Variants in ZMYM3 observed in about 807,000 individuals in gnomAD.
The protein encoded by ZMYM3 is zinc finger MYM-type containing 3.
Under a neutral mutation model 94.2 loss-of-function variants are expected in ZMYM3, and 6 were observed. That is an observed-to-expected ratio of 0.06 (90% confidence interval 0.03 to 0.13). The LOEUF is 0.13. Ranked by LOEUF, ZMYM3 falls within the 10% of genes least tolerant of loss-of-function variation. ZMYM3 has a pLI of 1.00. For synonymous variants in ZMYM3, 420 were observed against 426.5 expected, an observed-to-expected ratio of 0.98 and a Z score of 0.19; for missense variants, 664 against 1,132.6, an observed-to-expected ratio of 0.59 and a Z score of 5.94.
chrX:71,251,092 A>G (rs2030443826), intron 4 of ZMYM3, 86 bp downstream of exon 4: 10 of 974,730 alleles, frequency 1.0e-5, no homozygotes, highest in South Asian at 2.0e-5. Context: ...GGCAGGAGCT[A>G]GAAGATCCAT....
chrX:71,250,304 C>CT, intron 5 of ZMYM3, 101 bp from the exon 6 acceptor site: 1 of 1,085,038 alleles, frequency 9.2e-7, no homozygotes, highest in Non-Finnish European at 1.2e-6. Context: ...GCCAAATACT[C>CT]TGACTCTCTC....
Position 71,250,719 on chromosome X carries a change from C to T in ZMYM3, c.786G>A (p.Val262=). 8.4e-7 allele frequency: 1 copy of T among 1,189,166 alleles called. No homozygotes were observed. The highest frequency in any genetic ancestry group is 2.3e-4 in the Middle Eastern group (1 of 4,293). The change falls in exon 5 of 25, where the codon GTG becomes GTA. Residue 262 remains valine (V), a synonymous_variant. Coordinates refer to ENST00000314425, the MANE Select transcript of ZMYM3 (RefSeq NM_201599.3). Reference sequence around the variant, plus strand: ...CCATGGCATCAGAATCCTCATCTGACACTGGAACTGAGAAAGTGGGGGGAT... The same window carrying T: ...CCATGGCATCAGAATCCTCATCTGATACTGGAACTGAGAAAGTGGGGGGAT... ...EVVDSTESIP[V]SDEDSDAMVD...
rs1303843352 is a variant in ZMYM3, at chrX:71,251,609, G to T, written c.668-8C>A. The T allele has an allele frequency of 3.4e-6, 4 of 1,184,222 alleles. No individual in the cohort carries two copies. Among genetic ancestry groups the T allele is most frequent in the Non-Finnish European group, 4.5e-6 (4 of 881,663 alleles). On this transcript the variant is annotated splice_region_variant and splice_polypyrimidine_tract_variant and intron_variant, in intron 2 of 24. Coordinates refer to ENST00000314425, the MANE Select transcript of ZMYM3 (RefSeq NM_201599.3). ...TCGCAGTCAGGCCATCTCCTGCAAAGGAAGCAGAAGGCAGCCTAAATGTTG... is the reference window on the plus strand; with the variant it reads ...TCGCAGTCAGGCCATCTCCTGCAAATGAAGCAGAAGGCAGCCTAAATGTTG...
Position 71,240,387 on chromosome X carries a change from G to A in ZMYM3, c.*529C>T, listed in dbSNP as rs1232850741. ...AGGAGGGGAAGAGTGTCTAAGCTCT[G>A]TGTTTTATGTAAATGGTCCCCTCAT... On this transcript the variant is annotated 3_prime_UTR_variant, in exon 25 of 25. Coordinates refer to ENST00000314425, the MANE Select transcript of ZMYM3 (RefSeq NM_201599.3). The A allele has an allele frequency of 8.9e-6, 1 of 112,401 alleles. No individual in the cohort carries two copies. The highest frequency in any genetic ancestry group is 1.9e-5 in the Non-Finnish European group (1 of 53,431). 9.3% of individuals were successfully genotyped at this position (112,401 alleles called of 1,213,427 possible).
At position 71,241,271 on chromosome X, in the gene ZMYM3, G is replaced by A. The variant is rs1422747764; in HGVS notation, c.3876C>T (p.Pro1292=). Residue 1292 remains proline, a synonymous_variant, in exon 24 of 25, where the codon CCC becomes CCT. Coordinates refer to ENST00000314425, the MANE Select transcript of ZMYM3 (RefSeq NM_201599.3). ...ILEQRENRMN[P]LRCPVKFYEF... is the part of the protein sequence containing the mutation. ...CATAGAACTTGACAGGGCAGCGGAGGGGATTCATGCGGTTCTCACGCTGCT... is the reference window on the plus strand; with the variant it reads ...CATAGAACTTGACAGGGCAGCGGAGAGGATTCATGCGGTTCTCACGCTGCT... 1 of 1,205,444 alleles carries A rather than the reference G, an allele frequency of 8.3e-7. No homozygotes were observed. Among genetic ancestry groups the A allele is most frequent in the Non-Finnish European group, 1.1e-6 (1 of 892,757 alleles).
chrX:71,246,281 G>T, intron 15 of ZMYM3, 72 bp downstream of exon 15: 2 of 1,178,574 alleles, frequency 1.7e-6, no homozygotes, highest in Non-Finnish European at 1.2e-6. Flanking sequence ...CCCTTGTCCA[G>T]CTCACGGACA....
rs1398906272 is a variant in ZMYM3, at chrX:71,239,896, G to A, written c.*1020C>T. Reference sequence around the variant, plus strand: ...TTTTCTGGGACCTCCAATGCAAGATGGGGAAGAGAGAAGATGTAGGCAGTG... The same window carrying A: ...TTTTCTGGGACCTCCAATGCAAGATAGGGAAGAGAGAAGATGTAGGCAGTG... On this transcript the variant is annotated 3_prime_UTR_variant, in exon 25 of 25. Coordinates refer to ENST00000314425, the MANE Select transcript of ZMYM3 (RefSeq NM_201599.3). 1.8e-5 allele frequency: 2 copies of A among 112,918 alleles called. No homozygotes were observed. The highest frequency in any genetic ancestry group is 3.6e-4 in the South Asian group (1 of 2,756). The allele number at this position is 112,918 out of a possible 1,213,427, so 9.3% of individuals were successfully genotyped here. A position where few individuals can be genotyped will look rare whatever the true frequency, so the allele number is the denominator to read the frequency against.
Position 71,253,214 on chromosome X carries a change from G to C in ZMYM3, c.42C>G (p.Thr14=), listed in dbSNP as rs2030585012. The change falls in exon 2 of 25, where the codon ACC becomes ACG. Residue 14 remains threonine (T), a synonymous_variant. Coordinates refer to ENST00000314425, the MANE Select transcript of ZMYM3 (RefSeq NM_201599.3). ...CTCCAGCCAGGGGCTTCTCTGGCAG[G>C]GTCAATGGGTCAAATGGACTGGGGA... The part of the protein sequence containing the change: ...SDFPSPFDPL[T]LPEKPLAGDL... 8.5e-7 allele frequency: 1 copy of C among 1,180,609 alleles called. No homozygotes were observed. The highest frequency in any genetic ancestry group is 1.8e-5 in the African/African-American group (1 of 56,328).
rs1054182852 is a variant in ZMYM3 at position 71,249,894 on chromosome X, C to T, written c.1251+132G>A. 1.4e-5 allele frequency: 14 copies of T among 1,029,305 alleles called. No homozygotes were observed. In the East Asian group the frequency reaches 2.3e-4, roughly 17 times the overall value. 84.8% of individuals were successfully genotyped at this position (1,029,305 alleles called of 1,213,427 possible). On this transcript the variant is annotated intron_variant, in intron 6 of 24. Transcript: ENST00000314425. ...CCTGGAGAAGCTCTGTCCTTGAATA[C>T]GCTCCCTCATGATGGCCGCCTTTCC...
chrX:71,248,375 T>C, intron 10 of ZMYM3, 63 bp from the exon 11 acceptor site: 1 of 1,190,117 alleles, frequency 8.4e-7, no homozygotes. Context: ...AGGGGCCAAG[T>C]GGAAGGACCC....
chrX:71,254,157 C>T (rs1431117402), upstream of ZMYM3: 1 of 112,352 alleles, frequency 8.9e-6, no homozygotes, highest in Non-Finnish European at 1.9e-5. Context: ...CAGCGCCGCT[C>T]GCAGCGCCCA....
At chrX:71,242,866 G>A in intron 22 of ZMYM3, 104 bp downstream of exon 22, 3 of 766,235 alleles carry the variant, frequency 3.9e-6, no homozygotes, top group Non-Finnish European at 5.8e-6. Context: ...CCTGCCCTCG[G>A]GCCCTTTGTG....
At chrX:71,251,497 A>G in intron 3 of ZMYM3, 61 bp downstream of exon 3, 1 of 1,138,099 alleles carries the variant, frequency 8.8e-7, no homozygotes. Context: ...GGGAAAATGA[A>G]GGGTCTGTCC....
At chrX:71,248,033 G>A (rs1448412527) in intron 11 of ZMYM3, 127 bp from the exon 12 acceptor site, 33 of 1,090,583 alleles carry the variant, frequency 3.0e-5, no homozygotes, top group Non-Finnish European at 4.0e-5. Flanking sequence ...AAACTTTAGG[G>A]GAGATGGGGG....
Position 71,249,506 on chromosome X carries a change from T to G in ZMYM3, c.1425A>C (p.Gln475His), listed in dbSNP as rs2030347681. The change falls in exon 7 of 25, where the codon CAA (glutamine) becomes CAC (histidine). Residue 475 changes from glutamine to histidine, a missense_variant. Physicochemically the swap from Gln to His is conservative, Grantham distance 24. Around this residue, in one of 9 missense-constraint regions of ZMYM3, gnomAD observed 159 missense variants for 313.0 expected, o/e 0.51. Coordinates refer to ENST00000314425, the MANE Select transcript of ZMYM3 (RefSeq NM_201599.3). ...AGGTTGTGTTGCAGAACCGCTTTTG[T>G]TGGCCCTCGTGGAAGAGGAGCTCAG... is the stretch of plus-strand genomic sequence containing the variant. ...PGPELLFHEG[Q>H]QKRFCNTTCL... 1.7e-6 allele frequency: 2 copies of G among 1,200,590 alleles called. No homozygotes were observed. Among genetic ancestry groups the G allele is most frequent in the African/African-American group, 3.5e-5 (2 of 56,781 alleles).
At position 71,253,155 on chromosome X, in the gene ZMYM3, A is replaced by T; in HGVS notation, c.101T>A (p.Leu34Gln). The change falls in exon 2 of 25, where the codon CTA becomes CAA. Residue 34 changes from leucine (L) to glutamine (Q), a missense_variant. Transcript: ENST00000314425. Reference protein sequence around the residue: ...LPVDMEFGEDLLESQTAPTRG... With the variant: ...LPVDMEFGEDQLESQTAPTRG... The stretch of plus-strand genomic sequence containing the variant: ...AGTTGGGGCAGTCTGGGATTCCAGT[A>T]GATCCTCTCCAAATTCCATGTCTAC... The T allele has an allele frequency of 1.7e-6, 2 of 1,205,953 alleles. No homozygotes were observed. Among genetic ancestry groups the T allele is most frequent in the Non-Finnish European group, 1.1e-6 (1 of 892,557 alleles).
At chrX:71,253,957 C>T (rs1231741329) in intron 1 of ZMYM3, 72 bp downstream of exon 1, 1 of 106,304 alleles carries the variant, frequency 9.4e-6, no homozygotes, top group African/African-American at 3.5e-5. Flanking sequence ...TAGACCCCCC[C>T]ACCACCGCCT....
Position 71,246,479 on chromosome X carries a change from G to GGGGGGGGGGGC in ZMYM3, c.2445_2446insGCCCCCCCCCC (p.Pro816AlafsTer27). 4 of 333,383 alleles carry GGGGGGGGGGGC rather than the reference G, an allele frequency of 1.2e-5. No homozygotes were observed. The highest frequency in any genetic ancestry group is 2.2e-5 in the Non-Finnish European group (4 of 178,431). The allele number at this position is 333,383 out of a possible 1,213,427, so 27.5% of individuals were successfully genotyped here. ...GGGGGTGGTGGGGGTGGAGGGGTGGGAGCAGTGGGAGCTGATCGGGTCTTC... is the reference window on the plus strand; with the variant it reads ...GGGGGTGGTGGGGGTGGAGGGGTGGGGGGGGGGGGGCAGCAGTGGGAGCTGATCGGGTCTTC... On this transcript the variant is annotated frameshift_variant, in exon 15 of 25. Transcript: ENST00000314425. LOFTEE classifies it high-confidence loss of function.
At chrX:71,241,460 C>G in intron 23 of ZMYM3, 116 bp from the exon 24 acceptor site, 1 of 540,208 alleles carries the variant, frequency 1.9e-6, no homozygotes, top group East Asian at 3.8e-5. Context: ...ACAGTCTCAT[C>G]AAGATGGAGA....
Sources: gnomAD v4.1 joint callset for allele counts on GRCh38, gnomAD v4.1.1 for gene constraint, gnomAD v4.1.1 regional missense constraint, MANE v1.5 for transcripts, NCBI Gene and HGNC (gene_info 2026-07-23, HGNC 2026-07-21) for gene names.